PLEKHA5: variants seen among roughly 807,000 people sequenced by gnomAD.
PLEKHA5 encodes the protein pleckstrin homology domain-containing family A member 5.
Under a neutral mutation model 181.9 loss-of-function variants are expected in PLEKHA5, and 55 were observed. The observed-to-expected ratio is 0.30, with a 90% CI of 0.24 to 0.38. The LOEUF is 0.38. PLEKHA5 is among the 10% of genes least tolerant of loss of function. PLEKHA5 has a pLI of 1.00. For synonymous variants in PLEKHA5, 535 were observed against 529.4 expected (o/e 1.01, Z -0.15); for missense variants, 1,432 against 1,549.5 (o/e 0.92, Z 1.27).
intron 3 of PLEKHA5, among the ~76,000 whole-genome samples, chr12:19,179,732 A>T (rs942511770): frequency 6.6e-6 from 1 of 152,164 alleles, no homozygotes; most frequent in South Asian, 2.1e-4. Context: ...TTTCCCTGGT[A>T]TATGGGGGAG....
intron 15 of PLEKHA5, chr12:19,306,339 C>A: frequency 2.3e-6 from 1 of 425,906 alleles, no homozygotes; most frequent in Admixed American, 3.0e-5. Flanking sequence ...TGGGGGTGGC[C>A]GTTTGTTTTC....
chr12:19,204,113 A>G (rs1268194557), intron 3 of PLEKHA5, among the ~76,000 whole-genome samples: 1 of 151,886 alleles, frequency 6.6e-6, no homozygotes, highest in Non-Finnish European at 1.5e-5. Context: ...CACACCCTCC[A>G]TGTTAAGAGG....
chr12:19,336,649 AACTGTTTTT>A (rs1195837463), intron 21 of PLEKHA5, 33 bp downstream of exon 21: 1 of 1,248,454 alleles, frequency 8.0e-7, no homozygotes, highest in Non-Finnish European at 1.2e-6. Flanking sequence ...ATATTGTTTT[AACTGTTTTT>A]ACTGGTACTG....
chr12:19,361,630 C>A lies in PLEKHA5; in HGVS notation c.3532C>A (p.Pro1178Thr). ...ISYEMLFEPE[P>T]NGVNSVEMMD... Reference sequence around the variant, plus strand: ...ATATGAAATGCTTTTTGAACCTGAGCCAAATGGAGTAAATTCTGTGGAAAT... The same window carrying A: ...ATATGAAATGCTTTTTGAACCTGAGACAAATGGAGTAAATTCTGTGGAAAT... Residue 1178 changes from proline to threonine, a missense_variant, in exon 29 of 32, where the codon CCA becomes ACA. Physicochemically the swap from Pro to Thr is conservative, Grantham distance 38. Coordinates refer to ENST00000429027, the MANE Select transcript of PLEKHA5 (RefSeq NM_001256470.2). 1.3e-6 allele frequency: 2 copies of A among 1,564,038 alleles called. No individual in the cohort carries two copies. The highest frequency in any genetic ancestry group is 1.1e-5 in the South Asian group (1 of 87,004).
In PLEKHA5 at chr12:19,263,053, T is replaced by G. The variant is rs2069009521; in HGVS notation, c.610+2032T>G. ...TATCATTTAACTCATTTCAGATGAC[T>G]GCTCTGCAGGCTGTTGGAAAGAAGT... On this transcript the variant is annotated intron_variant, in intron 7 of 31. Transcript: ENST00000429027. 2.0e-5 allele frequency among the ~76,000 whole-genome samples: 3 copies of G among 152,226 alleles called. No individual in the cohort carries two copies. The South Asian group carries it at 6.2e-4, about 31-fold the overall frequency.
intron 25 of PLEKHA5, among the ~76,000 whole-genome samples, chr12:19,352,396 A>AGAAAAATAAAGT (rs2094646132): frequency 6.6e-6 from 1 of 151,840 alleles, no homozygotes; most frequent in South Asian, 2.1e-4. Flanking sequence ...AAAAAAAAAA[A>AGAAAAATAAAGT]GAAAAATACA....
intron 12 of PLEKHA5, 79 bp downstream of exon 12, chr12:19,283,824 T>A: frequency 1.2e-6 from 1 of 862,596 alleles, no homozygotes; most frequent in Non-Finnish European, 1.8e-6. Flanking sequence ...ATTTTAAATG[T>A]GAGAGACAAA....
At chr12:19,185,546 T>C (rs1467166941) in intron 3 of PLEKHA5, among the ~76,000 whole-genome samples, 1 of 152,158 alleles carries the variant, frequency 6.6e-6, no homozygotes, top group Admixed American at 6.5e-5. Flanking sequence ...CGGAGACAGA[T>C]AGATACACAC....
At chr12:19,268,888 A>G (rs1276473667) in intron 8 of PLEKHA5, among the ~76,000 whole-genome samples, 1 of 152,212 alleles carries the variant, frequency 6.6e-6, no homozygotes, top group Non-Finnish European at 1.5e-5. Flanking sequence ...GGAACAGCTC[A>G]AAAAGAAAAC....
intron 3 of PLEKHA5, among the ~76,000 whole-genome samples, chr12:19,185,862 C>A (rs2151902851): frequency 6.6e-6 from 1 of 152,218 alleles, no homozygotes; most frequent in African/African-American, 2.4e-5. Context: ...CATATAAAAT[C>A]TTGTTATTTA....
In PLEKHA5 at chr12:19,274,549, T is replaced by G. The variant is rs1247521705; in HGVS notation, c.879T>G (p.Thr293=). The part of the protein sequence containing the change: ...VDKITSENAP[T]KETNNIPNHR... The stretch of plus-strand genomic sequence containing the variant: ...AGATTACATCTGAAAATGCACCAAC[T>G]AAAGAAACCAATAACATTCCCAACC... Residue 293 remains threonine, a synonymous_variant, in exon 11 of 32, where the codon ACT becomes ACG. Transcript: ENST00000429027. 1.2e-6 allele frequency: 2 copies of G among 1,609,652 alleles called. No homozygotes were observed. Among genetic ancestry groups the G allele is most frequent in the South Asian group, 1.1e-5 (1 of 90,528 alleles).
chr12:19,275,110 C>T lies in PLEKHA5; in HGVS notation c.1313+127C>T, dbSNP rs897810117. The T allele has an allele frequency of 4.6e-5, 29 of 632,040 alleles. 2 individuals are homozygous for T. The highest frequency in any genetic ancestry group is 2.4e-4 in the South Asian group (12 of 50,348). 39.2% of individuals were successfully genotyped at this position (632,040 alleles called of 1,614,324 possible). Reference sequence around the variant, plus strand: ...TTTAGCTGTTATAGCTTCATTACTACGTCTTTTGTTTATAATGATCAGATA... The same window carrying T: ...TTTAGCTGTTATAGCTTCATTACTATGTCTTTTGTTTATAATGATCAGATA... On this transcript the variant is annotated intron_variant, in intron 11 of 31. Coordinates refer to ENST00000429027, the MANE Select transcript of PLEKHA5 (RefSeq NM_001256470.2).
chr12:19,368,320 G>A (rs1415954430), intron 30 of PLEKHA5, among the ~76,000 whole-genome samples: 1 of 151,986 alleles, frequency 6.6e-6, no homozygotes, highest in Non-Finnish European at 1.5e-5. Context: ...ACAAGACAAC[G>A]TTTCTACTAA....
At chr12:19,289,290 C>T (rs2077890105) in intron 13 of PLEKHA5, among the ~76,000 whole-genome samples, 1 of 152,224 alleles carries the variant, frequency 6.6e-6, no homozygotes, top group Non-Finnish European at 1.5e-5. Context: ...CTTCTGCTAA[C>T]ACTTTTTCTT....
intron 3 of PLEKHA5, among the ~76,000 whole-genome samples, chr12:19,251,171 A>G (rs560970497): frequency 6.6e-6 from 1 of 152,226 alleles, no homozygotes; most frequent in East Asian, 1.9e-4. Context: ...TTGGGAAGCC[A>G]AGGCTGATGG....
At chr12:19,177,510 G>C (rs909096241) in intron 3 of PLEKHA5, among the ~76,000 whole-genome samples, 16 of 152,166 alleles carry the variant, frequency 1.1e-4, no homozygotes, top group African/African-American at 3.9e-4. Context: ...CATTTTGAAA[G>C]GGTCAAAGCC....
At chr12:19,353,748 C>T (rs575619591) in intron 25 of PLEKHA5, 136 bp from the exon 26 acceptor site, 84 of 586,618 alleles carry the variant, frequency 1.4e-4, no homozygotes, top group African/African-American at 1.4e-3. Flanking sequence ...CGTGAGCCAC[C>T]GCGCCAGGCC....
In PLEKHA5 at chr12:19,291,637, C is replaced by T; in HGVS notation, c.1984-7C>T. On this transcript the variant is annotated splice_region_variant and splice_polypyrimidine_tract_variant and intron_variant, in intron 14 of 31. Coordinates refer to ENST00000429027, the MANE Select transcript of PLEKHA5 (RefSeq NM_001256470.2). Reference sequence around the variant, plus strand: ...CTGTCCCTTTTTTCTTAATTGGTGCCTACTAGAATGAAATTCTTTCACATC... The same window carrying T: ...CTGTCCCTTTTTTCTTAATTGGTGCTTACTAGAATGAAATTCTTTCACATC... 1 of 1,493,628 alleles carries T rather than the reference C, an allele frequency of 6.7e-7. No individual in the cohort carries two copies. Among genetic ancestry groups the T allele is most frequent in the Middle Eastern group, 1.7e-4 (1 of 5,904 alleles). 92.5% of individuals were successfully genotyped at this position (1,493,628 alleles called of 1,614,324 possible). A position where few individuals can be genotyped will look rare whatever the true frequency, so the allele number is the denominator to read the frequency against.
intron 20 of PLEKHA5, among the ~76,000 whole-genome samples, chr12:19,332,389 A>G (rs962700829): frequency 6.6e-6 from 1 of 152,238 alleles, no homozygotes; most frequent in African/African-American, 2.4e-5. Context: ...GCCAATATCT[A>G]TATCAAGACA....
Sources: gnomAD v4.1 joint callset for allele counts (sites outside exome capture counted in the v4.1 genomes callset) on GRCh38, gnomAD v4.1.1 for gene constraint, MANE v1.5 for transcripts, NCBI Gene and HGNC (gene_info 2026-07-23, HGNC 2026-07-21) for gene names.